Variants in COL28A1 observed in about 807,000 individuals in gnomAD.
COL28A1 encodes the protein collagen alpha-1(XXVIII) chain.
Under a neutral mutation model 150.2 loss-of-function variants are expected in COL28A1, and 161 were observed. The observed-to-expected ratio is 1.07, with a 90% CI of 0.94 to 1.22. The LOEUF (loss-of-function observed/expected upper bound fraction) is 1.22. COL28A1 is among the 50% of genes most tolerant of loss of function. COL28A1 has a pLI of 0.00. For synonymous variants in COL28A1, 552 were observed against 469.7 expected (o/e 1.18, Z -2.26); for missense variants, 1,617 against 1,388.3 (o/e 1.16, Z -2.62).
chr7:7,380,911 C>A (rs756612723), intron 28 of COL28A1, 49 bp from the exon 29 acceptor site: 27 of 1,510,172 alleles, frequency 1.8e-5, no homozygotes, highest in Non-Finnish European at 2.1e-5. Flanking sequence ...AATCTAAAAG[C>A]CAGATAAGAA....
chr7:7,370,284 T>A (rs116079689), intron 33 of COL28A1, among the ~76,000 whole-genome samples: 2 of 151,518 alleles, frequency 1.3e-5, no homozygotes, highest in South Asian at 4.2e-4. Context: ...TGTGGGAGAG[T>A]GGCCAGTTGG....
intron 10 of COL28A1, among the ~76,000 whole-genome samples, chr7:7,506,727 T>G (rs1280593105): frequency 1.3e-5 from 2 of 152,194 alleles, no homozygotes; most frequent in Non-Finnish European, 2.9e-5. Flanking sequence ...ACAATAAAAA[T>G]ATACTGTGAT....
At chr7:7,506,718 C>T (rs1413354082) in intron 10 of COL28A1, among the ~76,000 whole-genome samples, 1 of 152,084 alleles carries the variant, frequency 6.6e-6, no homozygotes, top group Non-Finnish European at 1.5e-5. Context: ...AGTTATAGAA[C>T]AATAAAAATA....
intron 27 of COL28A1, among the ~76,000 whole-genome samples, chr7:7,384,789 A>C (rs1242794658): frequency 1.3e-5 from 2 of 152,188 alleles, no homozygotes; most frequent in Non-Finnish European, 2.9e-5. Flanking sequence ...CCAGTTAAAT[A>C]AACCCTAAAC....
At chr7:7,487,230 A>G (rs1779675251) in intron 13 of COL28A1, among the ~76,000 whole-genome samples, 1 of 152,192 alleles carries the variant, frequency 6.6e-6, no homozygotes, top group Non-Finnish European at 1.5e-5. Flanking sequence ...TGGAAGGTAT[A>G]AATAATAGCA....
chr7:7,532,601 G>A, intron 2 of COL28A1, 151 bp downstream of exon 2: 9 of 999,178 alleles, frequency 9.0e-6, no homozygotes, highest in Middle Eastern at 3.3e-4. Context: ...AAGTATGTAA[G>A]GTATATTATC....
intron 27 of COL28A1, among the ~76,000 whole-genome samples, chr7:7,399,603 C>A (rs1471491975): frequency 6.6e-6 from 1 of 151,900 alleles, no homozygotes; most frequent in South Asian, 2.1e-4. Flanking sequence ...TGATAGGAAG[C>A]AAATTTCATG....
At chr7:7,424,180 G>A (rs553175136) in intron 25 of COL28A1, among the ~76,000 whole-genome samples, 29 of 152,254 alleles carry the variant, frequency 1.9e-4, no homozygotes, top group African/African-American at 5.8e-4. Flanking sequence ...TCTGTAACAC[G>A]GCATGAGAGT....
At chr7:7,442,950 G>A (rs890135588) in intron 20 of COL28A1, among the ~76,000 whole-genome samples, 9 of 151,554 alleles carry the variant, frequency 5.9e-5, no homozygotes, top group Admixed American at 3.9e-4. Flanking sequence ...CAGGAAAATC[G>A]CTTGAACCCG....
At chr7:7,473,998 CATAT>C (rs1400781607) in intron 15 of COL28A1, among the ~76,000 whole-genome samples, 2 of 145,232 alleles carry the variant, frequency 1.4e-5, no homozygotes, top group African/African-American at 5.1e-5. Context: ...TATAGTATAA[CATAT>C]ATTATAGTGT....
Position 7,432,490 on chromosome 7 carries a change from C to T in COL28A1, c.1981G>A (p.Gly661Arg), listed in dbSNP as rs1023425980. The T allele has an allele frequency of 2.5e-6, 4 of 1,613,950 alleles. No homozygotes were observed. The Admixed American group carries it at 5.0e-5, about 20-fold the overall frequency. The change falls in exon 25 of 35, where the codon GGA (glycine) becomes AGA (arginine). Residue 661 changes from glycine to arginine, a missense_variant. Physicochemically the swap from Gly to Arg is moderately radical, Grantham distance 125. Transcript: ENST00000399429. Reference protein sequence around the residue: ...PPGPMGLRGVGDTGAKGEPGV... With the variant: ...PPGPMGLRGVRDTGAKGEPGV... ...AGTCTTACCTTTGCTCCAGTGTCTC[C>T]CACTCCACGTAAACCCATCGGCCCA... is the stretch of plus-strand genomic sequence containing the variant.
At chr7:7,419,259 G>T (rs1348233737) in intron 26 of COL28A1, among the ~76,000 whole-genome samples, 1 of 152,172 alleles carries the variant, frequency 6.6e-6, no homozygotes, top group Non-Finnish European at 1.5e-5. Context: ...ATTGTAGAAT[G>T]GTTGGCAGCA....
At chr7:7,339,269 C>T in the COL28A1 span, among the ~76,000 whole-genome samples, 4 of 152,124 alleles carry the variant, frequency 2.6e-5, no homozygotes. Context: ...ACATACTACT[C>T]TTGGTCTCTT....
In COL28A1 at chr7:7,531,469, G is replaced by A. The variant is rs1782349957; in HGVS notation, c.560C>T (p.Thr187Ile). The A allele has an allele frequency of 6.3e-7, 1 of 1,597,922 alleles. No individual in the cohort carries two copies. The highest frequency in any genetic ancestry group is 1.1e-5 in the South Asian group (1 of 90,674). The change falls in exon 3 of 35, where the codon ACC (threonine) becomes ATC (isoleucine). Residue 187 changes from threonine (T) to isoleucine (I), a missense_variant. Thr to Ile is a moderately conservative substitution (Grantham distance 89). Transcript: ENST00000399429. The stretch of plus-strand genomic sequence containing the variant: ...ATTGACTACCGTAGAAAGTGCAATG[G>A]TGATAAATGATATTCCTGAAATTCT... ...DARISGISFI[T>I]IALSTVVNEA...
chr7:7,353,978 A>T (rs1780290727), downstream of COL28A1, among the ~76,000 whole-genome samples: 3 of 152,006 alleles, frequency 2.0e-5, no homozygotes, highest in Admixed American at 1.3e-4. Context: ...TCTATAACTC[A>T]TACCCATTTT....
intron 9 of COL28A1, 34 bp from the exon 10 acceptor site, chr7:7,507,195 A>G (rs1583529298): frequency 4.4e-6 from 4 of 911,030 alleles, no homozygotes; most frequent in South Asian, 4.1e-5. Flanking sequence ...GTCTCTCTAA[A>G]TATACATCTT....
chr7:7,531,857 T>A lies in COL28A1; in HGVS notation c.172A>T (p.Ser58Cys). 2.5e-6 allele frequency: 4 copies of A among 1,610,262 alleles called. No individual in the cohort carries two copies. Among genetic ancestry groups the A allele is most frequent in the Non-Finnish European group, 3.4e-6 (4 of 1,176,562 alleles). ...DIVFIVDSSE[S>C]SKIALFDKQK... ...TTATCAAAGAGGGCAATTTTAGAAC[T>A]TTCAGAGCTGTCCACGATGAAGACA... is the stretch of plus-strand genomic sequence containing the variant. The change falls in exon 3 of 35, where the codon AGT (serine) becomes TGT (cysteine). Residue 58 changes from serine (S) to cysteine (C), a missense_variant. Ser to Cys is a moderately radical substitution (Grantham distance 112). Coordinates refer to ENST00000399429, the MANE Select transcript of COL28A1 (RefSeq NM_001037763.3).
At chr7:7,423,557 A>AGGTACATGTAAC (rs1358692021) in intron 25 of COL28A1, among the ~76,000 whole-genome samples, 3 of 120,390 alleles carry the variant, frequency 2.5e-5, no homozygotes, top group Non-Finnish European at 4.8e-5. Flanking sequence ...AATGTTACAT[A>AGGTACATGTAAC]ATTTTTTTTT....
At position 7,477,168 on chromosome 7, in the gene COL28A1, G is replaced by T; in HGVS notation, c.1177C>A (p.Pro393Thr). 1 of 1,256,074 alleles carries T rather than the reference G, an allele frequency of 8.0e-7. No individual in the cohort carries two copies. The highest frequency in any genetic ancestry group is 1.2e-6 in the Non-Finnish European group (1 of 852,672). 77.8% of individuals were successfully genotyped at this position (1,256,074 alleles called of 1,614,324 possible). A position where few individuals can be genotyped will look rare whatever the true frequency, so the allele number is the denominator to read the frequency against. Reference sequence around the variant, plus strand: ...CCCCTCTCTCCTGGTACTCCCTCAGGACCACGGGGACCCTGGTTAGGATAG... The same window carrying T: ...CCCCTCTCTCCTGGTACTCCCTCAGTACCACGGGGACCCTGGTTAGGATAG... ...GEPGQPGPRG[P>T]EGVPGERGLP... Residue 393 changes from proline (P) to threonine (T), a missense_variant, in exon 14 of 35, where the codon CCT (proline) becomes ACT (threonine). By Grantham distance (38) the Pro-to-Thr change is conservative. Coordinates refer to ENST00000399429, the MANE Select transcript of COL28A1 (RefSeq NM_001037763.3).
Sources: gnomAD v4.1 joint callset for allele counts (sites outside exome capture counted in the v4.1 genomes callset) on GRCh38, gnomAD v4.1.1 for gene constraint, MANE v1.5 for transcripts, NCBI Gene and HGNC (gene_info 2026-07-23, HGNC 2026-07-21) for gene names.